TSNARE1: variants seen among roughly 807,000 people sequenced by gnomAD.
The protein encoded by TSNARE1 is t-SNARE domain containing 1.
In TSNARE1, 49 loss-of-function variants were observed where a neutral mutation model predicts 62.0. The observed-to-expected ratio is 0.79, with a 90% CI of 0.63 to 1.00. TSNARE1 has a LOEUF of 1.00. TSNARE1 is among the 50% of genes least tolerant of loss of function. The pLI is 0.00. For synonymous variants in TSNARE1, 328 were observed against 294.4 expected (o/e 1.11, Z -1.17); for missense variants, 755 against 700.1 (o/e 1.08, Z -0.88).
At chr8:142,225,193 C>T (rs1007270698) in intron 13 of TSNARE1, among the ~76,000 whole-genome samples, 33 of 150,912 alleles carry the variant, frequency 2.2e-4, no homozygotes, top group African/African-American at 7.3e-4. Context: ...GATGTGGACA[C>T]GGCTTGCCCT....
chr8:142,366,018 C>T, intron 1 of TSNARE1: 1 of 387,740 alleles, frequency 2.6e-6, no homozygotes, highest in Non-Finnish European at 5.0e-6. Flanking sequence ...TCCCAGGACA[C>T]TGAAAATGAA....
intron 2 of TSNARE1, among the ~76,000 whole-genome samples, chr8:142,346,806 CT>C (rs1325397634): frequency 6.6e-6 from 1 of 152,244 alleles, no homozygotes; most frequent in African/African-American, 2.4e-5. Context: ...GGAAAAGGCC[CT>C]TCATACAACC....
intron 6 of TSNARE1, among the ~76,000 whole-genome samples, chr8:142,326,720 G>A (rs911378928): frequency 3.3e-5 from 5 of 152,224 alleles, no homozygotes; most frequent in Non-Finnish European, 5.9e-5. Flanking sequence ...AGGCCCTGGA[G>A]AGCATGGGCT....
intron 1 of TSNARE1, among the ~76,000 whole-genome samples, chr8:142,402,027 C>G (rs1379431365): frequency 6.6e-6 from 1 of 152,126 alleles, no homozygotes. Flanking sequence ...AGATGAGTGA[C>G]AATGACAAAC....
intron 11 of TSNARE1, chr8:142,277,869 C>T: frequency 1.0e-6 from 1 of 985,378 alleles, no homozygotes; most frequent in Non-Finnish European, 1.2e-6. Flanking sequence ...AAGGACTAAG[C>T]ACCTGGGCCA....
At chr8:142,315,357 C>A (rs943887930) in intron 7 of TSNARE1, among the ~76,000 whole-genome samples, 1 of 152,254 alleles carries the variant, frequency 6.6e-6, no homozygotes, top group Non-Finnish European at 1.5e-5. Context: ...CCCGGCCCCA[C>A]ACCACCTCCG....
chr8:142,220,532 G>A (rs1204416225), intron 13 of TSNARE1, among the ~76,000 whole-genome samples: 4 of 152,172 alleles, frequency 2.6e-5, no homozygotes, highest in African/African-American at 9.7e-5. Context: ...GGCCCGGGTG[G>A]CCTCCAGGTT....
chr8:142,404,018 T>C (rs1215996474), upstream of TSNARE1: 2 of 151,986 alleles, frequency 1.3e-5, no homozygotes, highest in Non-Finnish European at 2.9e-5. Flanking sequence ...GAACCAAGAG[T>C]CACACCCAAG....
At chr8:142,273,205 T>C (rs1406069905) in intron 12 of TSNARE1, 4 of 984,946 alleles carry the variant, frequency 4.1e-6, no homozygotes, top group African/African-American at 3.5e-5. Flanking sequence ...CCTCCTCCTC[T>C]TCCTCACTGT....
intron 1 of TSNARE1, among the ~76,000 whole-genome samples, chr8:142,379,571 G>A (rs2131186480): frequency 6.6e-6 from 1 of 152,354 alleles, no homozygotes. Context: ...TCCTAATTCA[G>A]TTTTCAGGGT....
chr8:142,356,153 G>A (rs1393604911), intron 1 of TSNARE1, among the ~76,000 whole-genome samples: 1 of 152,138 alleles, frequency 6.6e-6, no homozygotes. Flanking sequence ...TCCTACAGTC[G>A]TGGCACCCTC....
At chr8:142,326,888 C>A (rs1002684820) in intron 6 of TSNARE1, among the ~76,000 whole-genome samples, 12 of 152,310 alleles carry the variant, frequency 7.9e-5, no homozygotes, top group South Asian at 2.1e-4. Flanking sequence ...CTTCAATTAC[C>A]AGGAAAATAC....
chr8:142,337,536 C>T (rs181155521), intron 4 of TSNARE1, among the ~76,000 whole-genome samples: 3 of 152,358 alleles, frequency 2.0e-5, no homozygotes, highest in East Asian at 3.9e-4. Flanking sequence ...TTTCTAGAAA[C>T]GGCTGTTGAG....
chr8:142,278,252 A>G, intron 11 of TSNARE1: 4 of 985,138 alleles, frequency 4.1e-6, no homozygotes, highest in Non-Finnish European at 4.8e-6. Flanking sequence ...AGTCCGGCCC[A>G]CTCTGCCCAT....
chr8:142,342,157 G>A (rs1364341578), intron 4 of TSNARE1, among the ~76,000 whole-genome samples: 2 of 152,268 alleles, frequency 1.3e-5, no homozygotes, highest in Non-Finnish European at 2.9e-5. Context: ...GTGCCAAGAG[G>A]AAGGGCTGCC....
intron 1 of TSNARE1, among the ~76,000 whole-genome samples, chr8:142,366,258 G>A (rs906611013): frequency 4.0e-5 from 6 of 151,892 alleles, no homozygotes; most frequent in African/African-American, 1.2e-4. Flanking sequence ...AGATGGTCTC[G>A]ATCTCCTGAC....
chr8:142,280,323 C>T (rs988594255), intron 11 of TSNARE1: 53 of 985,274 alleles, frequency 5.4e-5, no homozygotes, highest in Non-Finnish European at 6.0e-5. Flanking sequence ...TGCTGCTGGA[C>T]CCTGGAAAGG....
At chr8:142,341,274 C>T (rs146612020) in intron 4 of TSNARE1, among the ~76,000 whole-genome samples, 1 of 152,322 alleles carries the variant, frequency 6.6e-6, no homozygotes, top group Non-Finnish European at 1.5e-5. Context: ...GCACCCACCC[C>T]CCCAGGCCTG....
At chr8:142,236,399 G>A (rs1351336927) in intron 12 of TSNARE1, among the ~76,000 whole-genome samples, 3 of 152,062 alleles carry the variant, frequency 2.0e-5, no homozygotes, top group East Asian at 1.9e-4. Context: ...ACTCTCACCC[G>A]AGGTGGCGTG....
Sources: gnomAD v4.1 joint callset for allele counts (sites outside exome capture counted in the v4.1 genomes callset) on GRCh38, gnomAD v4.1.1 for gene constraint, MANE v1.5 for transcripts, NCBI Gene and HGNC (gene_info 2026-07-23, HGNC 2026-07-21) for gene names.